Variants in CSMD1 observed in about 807,000 individuals in gnomAD.
The protein encoded by CSMD1 is CUB and Sushi multiple domains 1, also known as CUB and sushi domain-containing protein 1.
In CSMD1, 213 loss-of-function variants were observed where a neutral mutation model predicts 417.5. The observed-to-expected ratio is 0.51, with a 90% CI of 0.46 to 0.57. The LOEUF is 0.57. Ranked by LOEUF, CSMD1 falls within the 20% of genes least tolerant of loss-of-function variation. The pLI, the probability that CSMD1 is intolerant of heterozygous loss-of-function variation, is 0.00. For synonymous variants in CSMD1, 2,862 were observed against 1,736.8 expected (o/e 1.65, Z -16.11); for missense variants, 6,923 against 4,529.7 (o/e 1.53, Z -15.17).
intron 3 of CSMD1, among the ~76,000 whole-genome samples, chr8:4,293,896 G>C (rs1202325774): frequency 1.3e-5 from 2 of 151,882 alleles, no homozygotes; most frequent in Non-Finnish European, 3.0e-5. Flanking sequence ...AGGTTTGATA[G>C]AGGGATGTCC....
At chr8:3,755,201 G>A (rs529664159) in intron 5 of CSMD1, among the ~76,000 whole-genome samples, 2 of 152,318 alleles carry the variant, frequency 1.3e-5, no homozygotes, top group South Asian at 4.1e-4. Context: ...CACTGGATTA[G>A]GATGCTTCTG....
In CSMD1 at chr8:4,360,644, C is replaced by A. The variant is rs113749757; in HGVS notation, c.415+59309G>T. Among the ~76,000 whole-genome samples the A allele has an allele frequency of 8.7e-3, 1,325 of 152,180 alleles. 13 individuals carry two copies. The highest frequency in any genetic ancestry group is 0.031 in the African/African-American group (1,278 of 41,498). ...AGCTGAGACTACAGGCTGCCCGCCACCACACCTGGCTAATTTTTTTTTTGT... is the reference window on the plus strand; with the variant it reads ...AGCTGAGACTACAGGCTGCCCGCCAACACACCTGGCTAATTTTTTTTTTGT... On this transcript the variant is annotated intron_variant, in intron 3 of 69. Coordinates refer to ENST00000635120, the MANE Select transcript of CSMD1 (RefSeq NM_033225.6).
chr8:4,549,917 A>AG (rs1797796056), intron 2 of CSMD1, among the ~76,000 whole-genome samples: 3 of 144,332 alleles, frequency 2.1e-5, no homozygotes, highest in South Asian at 4.2e-4. Flanking sequence ...AAAAAAAAAA[A>AG]AAAGAAAAGA....
chr8:4,243,005 T>G (rs971498793), intron 3 of CSMD1, among the ~76,000 whole-genome samples: 1 of 152,168 alleles, frequency 6.6e-6, no homozygotes, highest in Non-Finnish European at 1.5e-5. Flanking sequence ...CTTGTTAAAA[T>G]GCAAAGGAAA....
chr8:4,195,739 G>A (rs1585001519), intron 3 of CSMD1, among the ~76,000 whole-genome samples: 1 of 152,126 alleles, frequency 6.6e-6, no homozygotes, highest in African/African-American at 2.4e-5. Context: ...AAAACGTCGG[G>A]GCTCTCCGTG....
intron 3 of CSMD1, among the ~76,000 whole-genome samples, chr8:4,179,621 T>C (rs1276015326): frequency 9.9e-5 from 15 of 152,124 alleles, no homozygotes; most frequent in South Asian, 4.2e-4. Flanking sequence ...CAAAACAAAC[T>C]ACCATCAGAG....
intron 50 of CSMD1, among the ~76,000 whole-genome samples, chr8:3,048,391 G>T (rs1031693585): frequency 6.6e-6 from 1 of 152,264 alleles, no homozygotes; most frequent in East Asian, 1.9e-4. Flanking sequence ...GTAGACAAAT[G>T]TGTCAATGGA....
chr8:3,021,878 G>A (rs1195215270), intron 51 of CSMD1, among the ~76,000 whole-genome samples: 1 of 143,412 alleles, frequency 7.0e-6, no homozygotes, highest in African/African-American at 2.7e-5. Flanking sequence ...CAATCCCACA[G>A]CGTCCGGAAT....
chr8:4,464,995 AC>A (rs1800074855), intron 2 of CSMD1, among the ~76,000 whole-genome samples: 1 of 152,006 alleles, frequency 6.6e-6, no homozygotes, highest in African/African-American at 2.4e-5. Context: ...TTTTTCCTGA[AC>A]CCAGGAGCTA....
chr8:4,936,323 G>C lies in CSMD1; in HGVS notation c.85+58009C>G, dbSNP rs140229161. ...GCATGGGATTGTGAATAAACAAACAGGGACAGGAAAAAACTGAAATAGTAA... is the reference window on the plus strand; with the variant it reads ...GCATGGGATTGTGAATAAACAAACACGGACAGGAAAAAACTGAAATAGTAA... On this transcript the variant is annotated intron_variant, in intron 1 of 69. Transcript: ENST00000635120. Among the ~76,000 whole-genome samples the C allele has an allele frequency of 3.3e-3, 499 of 152,264 alleles. 1 individual carries two copies. Among genetic ancestry groups the C allele is most frequent in the African/African-American group, 0.011 (459 of 41,562 alleles).
chr8:4,296,247 G>A (rs1311491197), intron 3 of CSMD1, among the ~76,000 whole-genome samples: 3 of 152,070 alleles, frequency 2.0e-5, no homozygotes, highest in Admixed American at 6.6e-5. Context: ...GATTAGAGCT[G>A]GAGGAGTTTA....
chr8:3,541,387 G>T (rs1798431819), intron 10 of CSMD1, among the ~76,000 whole-genome samples: 1 of 152,094 alleles, frequency 6.6e-6, no homozygotes. Context: ...GGGGAGCTGG[G>T]GAGGGAGAGC....
chr8:3,048,879 A>G (rs1467227278), intron 50 of CSMD1, among the ~76,000 whole-genome samples: 1 of 151,932 alleles, frequency 6.6e-6, no homozygotes. Context: ...AACTCTTAAA[A>G]AAAAAAAAAG....
intron 5 of CSMD1, among the ~76,000 whole-genome samples, chr8:3,766,790 C>A (rs1428631450): frequency 6.6e-6 from 1 of 152,084 alleles, no homozygotes; most frequent in East Asian, 1.9e-4. Context: ...TCTCCTTAAT[C>A]TTGGGATAAG....
rs1447265215 is a variant in CSMD1, at chr8:2,973,272, G to A, written c.8768C>T (p.Pro2923Leu). The change falls in exon 57 of 70, where the codon CCG becomes CTG. Residue 2923 changes from proline (P) to leucine (L), a missense_variant. Physicochemically the swap from Pro to Leu is moderately conservative, Grantham distance 98. Coordinates refer to ENST00000635120, the MANE Select transcript of CSMD1 (RefSeq NM_033225.6). ...TGNNPGFCGD[P>L]GTPAHGSRLG... ...CCGAGACCCATGTGCTGGGGTCCCC[G>A]GATCACCACAGAATCCAGGATTATT... The A allele has an allele frequency of 1.9e-6, 3 of 1,613,660 alleles. No individual in the cohort carries two copies. Among genetic ancestry groups the A allele is most frequent in the East Asian group, 2.2e-5 (1 of 44,888 alleles).
chr8:3,844,649 G>T (rs1034484667), intron 5 of CSMD1, among the ~76,000 whole-genome samples: 5 of 152,114 alleles, frequency 3.3e-5, no homozygotes, highest in African/African-American at 1.2e-4. Flanking sequence ...TGGGTATGCA[G>T]CTGGAAATTC....
chr8:4,246,402 G>A (rs1260449299), intron 3 of CSMD1, among the ~76,000 whole-genome samples: 1 of 152,158 alleles, frequency 6.6e-6, no homozygotes, highest in African/African-American at 2.4e-5. Flanking sequence ...CTGCTGTTGT[G>A]AAGTTCTTAA....
At chr8:3,737,064 G>C (rs939351799) in intron 6 of CSMD1, among the ~76,000 whole-genome samples, 1 of 152,180 alleles carries the variant, frequency 6.6e-6, no homozygotes, top group Non-Finnish European at 1.5e-5. Context: ...AAGCGGATTT[G>C]AAAGTCAGTG....
intron 3 of CSMD1, among the ~76,000 whole-genome samples, chr8:4,138,978 T>C (rs79572878): frequency 0.034 from 5,233 of 152,290 alleles, 302 homozygotes; most frequent in African/African-American, 0.12. Context: ...GCATCTTTCC[T>C]GAGCTGTGGG....
Sources: gnomAD v4.1 joint callset for allele counts (sites outside exome capture counted in the v4.1 genomes callset) on GRCh38, gnomAD v4.1.1 for gene constraint, MANE v1.5 for transcripts, NCBI Gene and HGNC (gene_info 2026-07-23, HGNC 2026-07-21) for gene names.